The following ZNF469 variants were observed in gnomAD, a reference collection of about 807,000 sequenced individuals.
ZNF469 encodes the protein zinc finger protein 469.
A neutral mutation model predicts 1.0 loss-of-function variants in ZNF469; 1 was observed. The ratio of observed to expected loss-of-function variants is 1.00; its 90% CI spans 0.35 to 4.73. The LOEUF is 4.73. Among genes scored for constraint, ZNF469 ranks in the 30% most tolerant of loss-of-function variants. The pLI is 0.16. For synonymous variants in ZNF469, 2,703 were observed against 2,363.4 expected, an observed-to-expected ratio of 1.14 and a Z score of -4.17; for missense variants, 6,100 against 5,356.3, an observed-to-expected ratio of 1.14 and a Z score of -4.33.
chr16:88,401,802 A>T (rs368131076), intron 1 of ZNF469, among the ~76,000 whole-genome samples: 75 of 143,896 alleles, frequency 5.2e-4, no homozygotes, highest in Middle Eastern at 4.3e-3. Flanking sequence ...TAGTGGATGG[A>T]TGGATGGTAG....
chr16:88,189,184 C>T, the ZNF469 span, among the ~76,000 whole-genome samples: 19 of 152,326 alleles, frequency 1.2e-4, no homozygotes, highest in African/African-American at 4.6e-4. The surrounding 1 kb of genome is among the most constrained non-coding windows in gnomAD (Gnocchi z 4.3). Flanking sequence ...TTGGACCTTC[C>T]CAAGTGCAGA....
the ZNF469 span, among the ~76,000 whole-genome samples, chr16:88,116,088 G>T: frequency 6.6e-6 from 1 of 152,324 alleles, no homozygotes; most frequent in East Asian, 1.9e-4. Context: ...TGCCCGACTA[G>T]AGCCCTGGGG....
the ZNF469 span, among the ~76,000 whole-genome samples, chr16:88,148,808 G>T: frequency 2.5e-4 from 38 of 152,152 alleles, no homozygotes; most frequent in Non-Finnish European, 4.9e-4. Context: ...TCACTGGGCC[G>T]TTGGCCTGAG....
At chr16:88,353,400 C>T in the ZNF469 span, among the ~76,000 whole-genome samples, 9 of 152,252 alleles carry the variant, frequency 5.9e-5, no homozygotes, top group East Asian at 7.7e-4. Flanking sequence ...GCCTGTGACC[C>T]GGCGCCCACC....
chr16:88,168,980 G>A, the ZNF469 span, among the ~76,000 whole-genome samples: 6 of 152,272 alleles, frequency 3.9e-5, no homozygotes, highest in South Asian at 2.1e-4. The surrounding 1 kb of genome is among the most constrained non-coding windows in gnomAD (Gnocchi z 4.3). Context: ...GGGCCTCCTC[G>A]TGTGTGGTAG....
At chr16:88,397,331 CAG>C (rs1567500357) in intron 1 of ZNF469, among the ~76,000 whole-genome samples, 1 of 152,232 alleles carries the variant, frequency 6.6e-6, no homozygotes, top group Non-Finnish European at 1.5e-5. Flanking sequence ...GGACCTGGGA[CAG>C]GGTCAGTCCC....
At chr16:88,366,701 C>CCATCACCATCAT in the ZNF469 span, among the ~76,000 whole-genome samples, 6 of 151,072 alleles carry the variant, frequency 4.0e-5, no homozygotes, top group African/African-American at 1.2e-4. Context: ...ATCATCATCA[C>CCATCACCATCAT]CATCACCATC....
At chr16:88,274,256 A>T in the ZNF469 span, among the ~76,000 whole-genome samples, 2 of 152,206 alleles carry the variant, frequency 1.3e-5, no homozygotes, top group Non-Finnish European at 2.9e-5. Flanking sequence ...TGAGATTCAC[A>T]GGGCTGGGAA....
Position 88,431,080 on chromosome 16 carries a change from C to A in ZNF469, c.3610C>A (p.Gln1204Lys). ...RPSVAPKDPL[Q>K]VPTNTETSEE... ...CTCAGTGGCCCCCAAGGATCCCCTG[C>A]AGGTCCCCACCAACACCGAGACCTC... Residue 1204 changes from glutamine to lysine, a missense_variant, in exon 3 of 3, where the codon CAG (glutamine) becomes AAG (lysine). Gln to Lys is a moderately conservative substitution (Grantham distance 53). Coordinates refer to ENST00000565624, the MANE Select transcript of ZNF469 (RefSeq NM_001367624.2). The A allele has an allele frequency of 6.5e-7, 1 of 1,549,998 alleles. No homozygotes were observed. The highest frequency in any genetic ancestry group is 1.2e-5 in the South Asian group (1 of 84,052).
At chr16:88,232,093 C>T in the ZNF469 span, among the ~76,000 whole-genome samples, 1 of 152,144 alleles carries the variant, frequency 6.6e-6, no homozygotes, top group Non-Finnish European at 1.5e-5. Context: ...GGGTATCTGG[C>T]CCTCAGACCT....
At chr16:88,222,321 C>T in the ZNF469 span, among the ~76,000 whole-genome samples, 20 of 152,142 alleles carry the variant, frequency 1.3e-4, no homozygotes, top group Non-Finnish European at 5.9e-5. Context: ...CAGAGTCTTG[C>T]TCAGTTGCCC....
At chr16:88,243,922 AT>A in the ZNF469 span, among the ~76,000 whole-genome samples, 1 of 78,842 alleles carries the variant, frequency 1.3e-5, no homozygotes, top group Non-Finnish European at 2.5e-5. Flanking sequence ...ATATATATAT[AT>A]ATATATATAT....
the ZNF469 span, among the ~76,000 whole-genome samples, chr16:88,156,515 C>A: frequency 6.6e-6 from 1 of 152,264 alleles, no homozygotes; most frequent in East Asian, 1.9e-4. Flanking sequence ...AGTCTTGATG[C>A]CTTTGTTGAA....
chr16:88,413,842 G>A (rs1016869569), intron 1 of ZNF469, among the ~76,000 whole-genome samples: 8 of 152,200 alleles, frequency 5.3e-5, no homozygotes, highest in African/African-American at 9.6e-5. Flanking sequence ...GAGAGCGACC[G>A]GGCCAGCCCC....
rs116533634 is a variant in ZNF469, at chr16:88,393,962, G to A, written c.-192+10708G>A. Among the ~76,000 whole-genome samples the A allele has an allele frequency of 8.0e-3, 1,222 of 152,286 alleles. 14 individuals are homozygous for A. Among genetic ancestry groups the A allele is most frequent in the African/African-American group, 0.028 (1,145 of 41,556 alleles). Reference sequence around the variant, plus strand: ...CTACACCTCTGCTGTCCGACAGGAGGGGGGTTTGACACGTCTACACCTGTG... The same window carrying A: ...CTACACCTCTGCTGTCCGACAGGAGAGGGGTTTGACACGTCTACACCTGTG... On this transcript the variant is annotated intron_variant, in intron 1 of 2. Coordinates refer to ENST00000565624, the MANE Select transcript of ZNF469 (RefSeq NM_001367624.2).
At chr16:88,187,160 C>G in the ZNF469 span, among the ~76,000 whole-genome samples, 1 of 152,008 alleles carries the variant, frequency 6.6e-6, no homozygotes, top group African/African-American at 2.4e-5. Flanking sequence ...GTCCAGCTCA[C>G]CTGGTGGGGG....
chr16:88,429,610 A>C lies in ZNF469; in HGVS notation c.2140A>C (p.Thr714Pro). 3.9e-6 allele frequency: 6 copies of C among 1,548,046 alleles called. No homozygotes were observed. Among genetic ancestry groups the C allele is most frequent in the African/African-American group, 2.7e-5 (2 of 73,076 alleles). The part of the protein sequence containing the change: ...GFPRAPPPYP[T>P]HHFSLSSASL... Reference sequence around the variant, plus strand: ...CCCCCGTGCGCCGCCTCCGTACCCCACACACCACTTCTCCCTCAGCAGCGC... The same window carrying C: ...CCCCCGTGCGCCGCCTCCGTACCCCCCACACCACTTCTCCCTCAGCAGCGC... Residue 714 changes from threonine to proline, a missense_variant, in exon 3 of 3, where the codon ACA (threonine) becomes CCA (proline). Transcript: ENST00000565624.
At position 88,433,489 on chromosome 16, in the gene ZNF469, G is replaced by C. The variant is rs970916190; in HGVS notation, c.6019G>C (p.Val2007Leu). Residue 2007 changes from valine (V) to leucine (L), a missense_variant, in exon 3 of 3, where the codon GTG (valine) becomes CTG (leucine). By Grantham distance (32) the Val-to-Leu change is conservative. Coordinates refer to ENST00000565624, the MANE Select transcript of ZNF469 (RefSeq NM_001367624.2). The stretch of plus-strand genomic sequence containing the variant: ...CAACCAGCTTCAGCCAGAGAACGGG[G>C]TGAGCCCAGGGGGCACGGACAACCA... The part of the protein sequence containing the change: ...TANQLQPENG[V>L]SPGGTDNHAS... 1.9e-6 allele frequency: 3 copies of C among 1,550,282 alleles called. No individual in the cohort carries two copies.
the ZNF469 span, among the ~76,000 whole-genome samples, chr16:88,254,236 A>G: frequency 1.3e-5 from 2 of 152,346 alleles, no homozygotes; most frequent in Admixed American, 1.3e-4. Context: ...CGTGATCGCC[A>G]ATTGTCCCTG....
Sources: gnomAD v4.1 joint callset for allele counts (sites outside exome capture counted in the v4.1 genomes callset) on GRCh38, gnomAD v4.1.1 for gene constraint, Gnocchi (gnomAD v3.1) non-coding constraint, MANE v1.5 for transcripts, NCBI Gene and HGNC (gene_info 2026-07-23, HGNC 2026-07-21) for gene names.